Variants in MALT1 observed in about 807,000 individuals in gnomAD.
MALT1 encodes the protein MALT1 paracaspase.
A neutral mutation model predicts 85.5 loss-of-function variants in MALT1; 36 were observed. The ratio of observed to expected loss-of-function variants is 0.42; its 90% CI spans 0.32 to 0.56. The LOEUF is 0.56. MALT1 is among the 20% of genes least tolerant of loss of function. MALT1 has a pLI of 0.10. For synonymous variants in MALT1, 359 were observed against 361.3 expected (o/e 0.99, Z 0.07); for missense variants, 716 against 981.6 (o/e 0.73, Z 3.62).
At chr18:58,704,228 T>C (rs1478930494) in intron 4 of MALT1, among the ~76,000 whole-genome samples, 1 of 152,252 alleles carries the variant, frequency 6.6e-6, no homozygotes, top group Non-Finnish European at 1.5e-5. Context: ...AGTAGATATA[T>C]GTTTAATTTT....
At position 58,754,408 on chromosome 18, in the gene MALT1, T is replaced by C. The variant is rs2055484928; in HGVS notation, c.*6566T>C. On this transcript the variant is annotated 3_prime_UTR_variant, in exon 17 of 17. Coordinates refer to ENST00000649217, the MANE Select transcript of MALT1 (RefSeq NM_006785.4). ...GTTAATGTTGCTACATTATGCTCAA[T>C]ACAGCAGGCTGTTCTGCTAGGGAAA... is the stretch of plus-strand genomic sequence containing the variant. 6.6e-6 allele frequency: 1 copy of C among 152,256 alleles called. No homozygotes were observed. The highest frequency in any genetic ancestry group is 2.1e-4 in the South Asian group (1 of 4,832). The allele number at this position is 152,256 out of a possible 1,614,324, so 9.4% of individuals were successfully genotyped here.
chr18:58,672,006 G>A, intron 1 of MALT1, 154 bp downstream of exon 1: 1 of 443,092 alleles, frequency 2.3e-6, no homozygotes, highest in Non-Finnish European at 3.6e-6. Context: ...AGGCGGAGCG[G>A]AACTCAGCAG....
At chr18:58,731,489 G>C (rs2055148608) in intron 10 of MALT1, among the ~76,000 whole-genome samples, 1 of 152,134 alleles carries the variant, frequency 6.6e-6, no homozygotes, top group African/African-American at 2.4e-5. Flanking sequence ...ATTCACAACA[G>C]TAATTTAGTT....
chr18:58,744,274 C>T, intron 14 of MALT1, 64 bp from the exon 15 acceptor site: 1 of 1,055,680 alleles, frequency 9.5e-7, no homozygotes, highest in Non-Finnish European at 1.4e-6. Flanking sequence ...ATATTCTCCT[C>T]CATAAATATT....
At chr18:58,725,703 T>G (rs1176300900) in intron 10 of MALT1, among the ~76,000 whole-genome samples, 3 of 152,200 alleles carry the variant, frequency 2.0e-5, no homozygotes, top group Admixed American at 6.5e-5. Context: ...ACCTTGGTTG[T>G]TTATTCTCAT....
At chr18:58,695,336 T>TGA (rs796156351) in intron 2 of MALT1, among the ~76,000 whole-genome samples, 1 of 152,120 alleles carries the variant, frequency 6.6e-6, no homozygotes, top group African/African-American at 2.4e-5. Context: ...GGCGAGTGAG[T>TGA]GAGAGAGAGG....
intron 13 of MALT1, among the ~76,000 whole-genome samples, chr18:58,737,445 C>T (rs544083152): frequency 6.6e-6 from 1 of 150,400 alleles, no homozygotes; most frequent in African/African-American, 2.4e-5. Flanking sequence ...CACACCACTG[C>T]TCTCCAGCAT....
intron 2 of MALT1, chr18:58,691,358 T>A: frequency 1.2e-6 from 1 of 845,112 alleles, no homozygotes; most frequent in Non-Finnish European, 1.8e-6. Flanking sequence ...CTTTTGGCAT[T>A]GCCCTGGCTC....
At chr18:58,683,404 T>C (rs985856135) in intron 2 of MALT1, among the ~76,000 whole-genome samples, 15 of 152,210 alleles carry the variant, frequency 9.9e-5, no homozygotes, top group Non-Finnish European at 1.2e-4. Flanking sequence ...CACAGAGTTA[T>C]AGGAGCTGCA....
rs932738444 is a variant in MALT1, at chr18:58,752,953, C to G, written c.*5111C>G. 8 of 152,192 alleles carry G rather than the reference C, an allele frequency of 5.3e-5. No individual in the cohort carries two copies. The highest frequency in any genetic ancestry group is 1.9e-4 in the African/African-American group (8 of 41,446). 9.4% of individuals were successfully genotyped at this position (152,192 alleles called of 1,614,324 possible). On this transcript the variant is annotated 3_prime_UTR_variant, in exon 17 of 17. Coordinates refer to ENST00000649217, the MANE Select transcript of MALT1 (RefSeq NM_006785.4). Reference sequence around the variant, plus strand: ...GAGTCTGAGACACCTCAGGTTTCAGCCCTTACTAATAGCGTGGCTCAAAGA... The same window carrying G: ...GAGTCTGAGACACCTCAGGTTTCAGGCCTTACTAATAGCGTGGCTCAAAGA...
At chr18:58,714,660 T>C (rs1277346239) in intron 8 of MALT1, among the ~76,000 whole-genome samples, 1 of 148,266 alleles carries the variant, frequency 6.7e-6, no homozygotes, top group African/African-American at 2.7e-5. Flanking sequence ...TAGAACTCTG[T>C]AGGCTAATTT....
chr18:58,733,275 A>T (rs2055178019), intron 10 of MALT1, 122 bp from the exon 11 acceptor site: 1 of 643,256 alleles, frequency 1.6e-6, no homozygotes, highest in African/African-American at 1.8e-5. Flanking sequence ...TTTCTTACAT[A>T]TGCTCACATC....
chr18:58,744,288 C>T (rs1441242429), intron 14 of MALT1, 50 bp from the exon 15 acceptor site: 23 of 1,310,898 alleles, frequency 1.8e-5, no homozygotes, highest in Non-Finnish European at 2.3e-5. Flanking sequence ...AAATATTTGC[C>T]TCTTATCATC....
At chr18:58,726,247 C>A (rs552401676) in intron 10 of MALT1, among the ~76,000 whole-genome samples, 2 of 152,162 alleles carry the variant, frequency 1.3e-5, no homozygotes, top group South Asian at 4.1e-4. Flanking sequence ...ACTTTTAAAT[C>A]CTACTGATTC....
At chr18:58,710,882 G>A (rs1236887220) in intron 6 of MALT1, 39 bp from the exon 7 acceptor site, 2 of 1,449,672 alleles carry the variant, frequency 1.4e-6, no homozygotes, top group Non-Finnish European at 1.9e-6. Context: ...TTAAGATCAT[G>A]AATTACAATA....
chr18:58,714,187 T>C, intron 8 of MALT1, 78 bp downstream of exon 8: 1 of 669,512 alleles, frequency 1.5e-6, no homozygotes. Context: ...AGGTACTCTT[T>C]TGCTACAGTA....
At chr18:58,733,319 CA>C in intron 10 of MALT1, 77 bp from the exon 11 acceptor site, 2 of 933,102 alleles carry the variant, frequency 2.1e-6, no homozygotes, top group Non-Finnish European at 3.3e-6. Flanking sequence ...GGTTTTTCTA[CA>C]AAAAGTTATG....
chr18:58,745,451 CT>C (rs1385965945), intron 15 of MALT1, among the ~76,000 whole-genome samples: 2 of 152,080 alleles, frequency 1.3e-5, no homozygotes, highest in Non-Finnish European at 2.9e-5. Flanking sequence ...GCTCACTTTA[CT>C]TTTTAGATGG....
At chr18:58,729,918 A>G (rs1311358447) in intron 10 of MALT1, among the ~76,000 whole-genome samples, 2 of 152,240 alleles carry the variant, frequency 1.3e-5, no homozygotes, top group Non-Finnish European at 2.9e-5. Context: ...ACAGCATTTC[A>G]AAGTAGGGAG....
Sources: gnomAD v4.1 joint callset for allele counts (sites outside exome capture counted in the v4.1 genomes callset) on GRCh38, gnomAD v4.1.1 for gene constraint, MANE v1.5 for transcripts, NCBI Gene and HGNC (gene_info 2026-07-23, HGNC 2026-07-21) for gene names.